Variants in DNAH10 observed in about 807,000 individuals in gnomAD.
DNAH10 encodes axonemal beta dynein heavy chain 10.
Under a neutral mutation model 506.6 loss-of-function variants are expected in DNAH10, and 348 were observed. That is an observed-to-expected ratio of 0.69 (90% CI 0.63 to 0.75). The LOEUF (loss-of-function observed/expected upper bound fraction) is 0.75. DNAH10 is among the 30% of genes least tolerant of loss of function. The pLI is 0.00. For missense variants in DNAH10, 5,179 were observed against 5,787.1 expected (o/e 0.89, Z 3.41); for synonymous variants, 2,059 against 2,198.6 (o/e 0.94, Z 1.78).
intron 18 of DNAH10, among the ~76,000 whole-genome samples, chr12:123,807,559 T>G (rs1958728486): frequency 6.6e-6 from 1 of 151,854 alleles, no homozygotes; most frequent in South Asian, 2.1e-4. Context: ...CAGGTGGGCC[T>G]TTGGTCAGTG....
rs1249487085 is a variant in DNAH10 at position 123,914,000 on chromosome 12, G to A, written c.10353-329G>A. On this transcript the variant is annotated intron_variant, in intron 60 of 78. Coordinates refer to ENST00000673944, the MANE Select transcript of DNAH10 (RefSeq NM_001372106.1). This position sits in a 1 kb window ranked among gnomAD's most constrained non-coding sequence, Gnocchi z 5.1. ...GAGGCCAGAACTTGTTAGCTCTGCCGGGCTGATTTATATGTCTTTGATTAA... is the reference window on the plus strand; with the variant it reads ...GAGGCCAGAACTTGTTAGCTCTGCCAGGCTGATTTATATGTCTTTGATTAA... 2.6e-5 allele frequency among the ~76,000 whole-genome samples: 4 copies of A among 152,246 alleles called. No homozygotes were observed. Among genetic ancestry groups the A allele is most frequent in the Middle Eastern group, 3.4e-3 (1 of 294 alleles).
At chr12:123,906,864 A>G (rs1460018090) in intron 57 of DNAH10, among the ~76,000 whole-genome samples, 1 of 152,244 alleles carries the variant, frequency 6.6e-6, no homozygotes, top group Non-Finnish European at 1.5e-5. Flanking sequence ...TCCTCTTTGT[A>G]GAAATCATTA....
At chr12:123,807,058 G>A (rs139779816) in intron 18 of DNAH10, among the ~76,000 whole-genome samples, 4,060 of 152,196 alleles carry the variant, frequency 0.027, 83 homozygotes, top group Non-Finnish European at 0.04. Flanking sequence ...GTGAGCCACC[G>A]CGCCTGGCCC....
rs1177702102 is a variant in DNAH10 at position 123,928,374 on chromosome 12, T to TC, written c.12106-8dup. 76 of 1,574,958 alleles carry TC rather than the reference T, an allele frequency of 4.8e-5. No homozygotes were observed. Among genetic ancestry groups the TC allele is most frequent in the Non-Finnish European group, 6.3e-5 (73 of 1,160,922 alleles). ...ATGCCAACCCCTCTCCTCTTCCCTCTCCCCCGGCGCAGGTGGCCCTGCAGC... is the reference window on the plus strand; with the variant it reads ...ATGCCAACCCCTCTCCTCTTCCCTCTCCCCCCGGCGCAGGTGGCCCTGCAGC... On this transcript the variant is annotated splice_polypyrimidine_tract_variant and intron_variant, in intron 69 of 78. Transcript: ENST00000673944. This position sits in a 1 kb window ranked among gnomAD's most constrained non-coding sequence, Gnocchi z 4.9.
chr12:123,783,613 C>T (rs141924898), intron 7 of DNAH10, among the ~76,000 whole-genome samples: 686 of 152,338 alleles, frequency 4.5e-3, no homozygotes, highest in Non-Finnish European at 8.3e-3. Flanking sequence ...CCAGTCTGAT[C>T]AGGGCTCTGG....
In DNAH10 at chr12:123,762,308, G is replaced by A; in HGVS notation, c.-29G>A. On this transcript the variant is annotated 5_prime_UTR_variant, in exon 1 of 79. Transcript: ENST00000673944. The surrounding 1 kb of genome is among the most constrained non-coding windows in gnomAD (Gnocchi z 5.0). ...CCGTTGCCACGGACGCCCGCCCTGC[G>A]CCCGGCTCCCTCTGCACTGCGCGGC... The A allele has an allele frequency of 8.1e-7, 1 of 1,233,466 alleles. No homozygotes were observed. Among genetic ancestry groups the A allele is most frequent in the Non-Finnish European group, 1.0e-6 (1 of 988,042 alleles). 76.4% of individuals were successfully genotyped at this position (1,233,466 alleles called of 1,614,324 possible).
rs1184666567 is a variant in DNAH10 at position 123,785,306 on chromosome 12, G to A, written c.1231-440G>A. On this transcript the variant is annotated intron_variant, in intron 8 of 78. Transcript: ENST00000673944. The surrounding 1 kb of genome is among the most constrained non-coding windows in gnomAD (Gnocchi z 4.1). ...AATTTGCATTTCCTTAACAACTAGT[G>A]AGACTGAACAACTTTTTATGTACTT... 6.6e-6 allele frequency among the ~76,000 whole-genome samples: 1 copy of A among 152,128 alleles called. No homozygotes were observed. The highest frequency in any genetic ancestry group is 1.9e-4 in the East Asian group (1 of 5,200).
chr12:123,859,412 T>C lies in DNAH10; in HGVS notation c.6749+144T>C, dbSNP rs2136841715. 6.4e-6 allele frequency: 4 copies of C among 626,696 alleles called. No individual in the cohort carries two copies. The East Asian group carries it at 1.4e-4, about 21-fold the overall frequency. The allele number at this position is 626,696 out of a possible 1,614,324, so 38.8% of individuals were successfully genotyped here. ...TACACACCCCTTTCGACTCAGCGTG[T>C]TTTTACTGACTTTATTGCAGACTTA... is the stretch of plus-strand genomic sequence containing the variant. On this transcript the variant is annotated intron_variant, in intron 38 of 78. Coordinates refer to ENST00000673944, the MANE Select transcript of DNAH10 (RefSeq NM_001372106.1).
chr12:123,826,859 C>T lies in DNAH10; in HGVS notation c.4352C>T (p.Pro1451Leu), dbSNP rs746312105. The T allele has an allele frequency of 1.2e-6, 2 of 1,613,828 alleles. No individual in the cohort carries two copies. Among genetic ancestry groups the T allele is most frequent in the East Asian group, 2.2e-5 (1 of 44,890 alleles). Residue 1451 changes from proline (P) to leucine (L), a missense_variant, in exon 25 of 79, where the codon CCT (proline) becomes CTT (leucine). Coordinates refer to ENST00000673944, the MANE Select transcript of DNAH10 (RefSeq NM_001372106.1). ...ATGAAGGCATTCAAAGACTCGATTC[C>T]TTTACTTCTTGACTTGAAAAACGAG... is the stretch of plus-strand genomic sequence containing the variant. ...AKMKAFKDSI[P>L]LLLDLKNEAL...
At chr12:123,802,431 G>C (rs1021153334) in intron 16 of DNAH10, among the ~76,000 whole-genome samples, 8 of 152,060 alleles carry the variant, frequency 5.3e-5, no homozygotes. Flanking sequence ...TCAGCCTCCC[G>C]AGTAGCTTGG....
chr12:123,857,108 T>A lies in DNAH10; in HGVS notation c.6491T>A (p.Phe2164Tyr). ...LRDMNLPKFV[F>Y]EDVPLFLGLI... is the part of the protein sequence containing the mutation. ...GACATGAACTTGCCCAAATTTGTGT[T>A]TGAAGATGTTCCTCTTTTCCTTGGT... Residue 2164 changes from phenylalanine (F) to tyrosine (Y), a missense_variant, in exon 37 of 79, where the codon TTT becomes TAT. Phe to Tyr is a conservative substitution (Grantham distance 22). Coordinates refer to ENST00000673944, the MANE Select transcript of DNAH10 (RefSeq NM_001372106.1). The A allele has an allele frequency of 1.9e-6, 3 of 1,613,266 alleles. No individual in the cohort carries two copies. The highest frequency in any genetic ancestry group is 2.5e-6 in the Non-Finnish European group (3 of 1,179,614).
chr12:123,848,765 C>G lies in DNAH10; in HGVS notation c.5985C>G (p.Cys1995Trp). Residue 1995 changes from cysteine to tryptophan, a missense_variant, in exon 34 of 79, where the codon TGC (cysteine) becomes TGG (tryptophan). Cys to Trp is a radical substitution (Grantham distance 215). Transcript: ENST00000673944. ...AGATTTTCTCTGGCCTGGCACAGTG[C>G]GGGGCTTGGGGCTGCTTTGATGAGT... is the stretch of plus-strand genomic sequence containing the variant. ...VGKIFSGLAQ[C>W]GAWGCFDEFN... 1 of 1,613,934 alleles carries G rather than the reference C, an allele frequency of 6.2e-7. No homozygotes were observed. The highest frequency in any genetic ancestry group is 8.5e-7 in the Non-Finnish European group (1 of 1,179,860).
intron 12 of DNAH10, among the ~76,000 whole-genome samples, chr12:123,794,429 G>A (rs770849044): frequency 7.2e-5 from 11 of 152,166 alleles, no homozygotes; most frequent in Admixed American, 5.2e-4. Flanking sequence ...AATTAACTCA[G>A]AACAATTTAT....
chr12:123,819,795 C>T (rs1959220482), intron 23 of DNAH10, among the ~76,000 whole-genome samples: 1 of 150,586 alleles, frequency 6.6e-6, no homozygotes, highest in African/African-American at 2.5e-5. Flanking sequence ...ACCTCCACCT[C>T]CTGGGTTCAA....
rs1454804805 is a variant in DNAH10 at position 123,907,636 on chromosome 12, C to T, written c.9816-1625C>T. ...TACTTCACAGATGGGGAAACTGACG[C>T]CCTGGCTGGTTCCTAACTTGCCCAA... is the stretch of plus-strand genomic sequence containing the variant. On this transcript the variant is annotated intron_variant, in intron 57 of 78. Transcript: ENST00000673944. This position sits in a 1 kb window ranked among gnomAD's most constrained non-coding sequence, Gnocchi z 4.4. 6.6e-6 allele frequency among the ~76,000 whole-genome samples: 1 copy of T among 152,154 alleles called. No individual in the cohort carries two copies. Among genetic ancestry groups the T allele is most frequent in the Non-Finnish European group, 1.5e-5 (1 of 68,026 alleles).
chr12:123,869,192 T>C (rs1951928990), intron 43 of DNAH10, among the ~76,000 whole-genome samples: 1 of 152,140 alleles, frequency 6.6e-6, no homozygotes, highest in South Asian at 2.1e-4. Flanking sequence ...GGGCCACATG[T>C]GTTTCTGTTT....
chr12:123,908,659 A>G, intron 57 of DNAH10: 1 of 429,252 alleles, frequency 2.3e-6, no homozygotes. Context: ...AGGGCAGTGG[A>G]CATCTGCGTT....
rs936904412 is a variant in DNAH10 at position 123,850,116 on chromosome 12, T to G, written c.6103-772T>G. Among the ~76,000 whole-genome samples, 5 of 151,842 alleles carry G rather than the reference T, an allele frequency of 3.3e-5. No individual in the cohort carries two copies. The highest frequency in any genetic ancestry group is 3.3e-4 in the Admixed American group (5 of 15,250). On this transcript the variant is annotated intron_variant, in intron 34 of 78. Transcript: ENST00000673944. The surrounding 1 kb of genome is among the most constrained non-coding windows in gnomAD (Gnocchi z 5.5). ...CTATGAGTCAAGGCAGTGGCCTTGT[T>G]TTGGGGGAGGCTGGCTGTCTTCCGG...
intron 23 of DNAH10, 140 bp downstream of exon 23, chr12:123,819,390 T>C (rs1430786593): frequency 3.0e-6 from 2 of 671,900 alleles, no homozygotes; most frequent in Admixed American, 3.0e-5. Flanking sequence ...TTTTCTTGGC[T>C]CATTTTAGTG....
Sources: gnomAD v4.1 joint callset for allele counts (sites outside exome capture counted in the v4.1 genomes callset) on GRCh38, gnomAD v4.1.1 for gene constraint, Gnocchi (gnomAD v3.1) non-coding constraint, MANE v1.5 for transcripts, NCBI Gene and HGNC (gene_info 2026-07-23, HGNC 2026-07-21) for gene names.